LSS: variants seen among roughly 807,000 people sequenced by gnomAD.
LSS encodes the protein 2,3-epoxysqualene-lanosterol cyclase.
LSS carries 90 observed loss-of-function variants against 110.3 expected under a neutral mutation model. The ratio of observed to expected loss-of-function variants is 0.82; its 90% CI spans 0.69 to 0.97. LSS has a LOEUF of 0.97. Ranked by LOEUF, LSS falls within the 50% of genes least tolerant of loss-of-function variation. The pLI, the probability that LSS is intolerant of heterozygous loss-of-function variation, is 0.00. For synonymous variants in LSS, 433 were observed against 400.0 expected, an observed-to-expected ratio of 1.08 and a Z score of -0.98; for missense variants, 927 against 990.0, an observed-to-expected ratio of 0.94 and a Z score of 0.85.
chr21:46,222,595 C>T lies in LSS; in HGVS notation c.428+35G>A, dbSNP rs780439215. The stretch of plus-strand genomic sequence containing the variant: ...CCTACATCATGAGAACACACACATG[C>T]ACATGTGCAGTGACACAGGGGCAGG... On this transcript the variant is annotated intron_variant, in intron 4 of 21. Coordinates refer to ENST00000397728, the MANE Select transcript of LSS (RefSeq NM_002340.6). 1.9e-6 allele frequency: 3 copies of T among 1,568,860 alleles called. No individual in the cohort carries two copies. In the South Asian group the frequency reaches 3.3e-5, roughly 17 times the overall value.
At chr21:46,227,479 G>A in intron 3 of LSS, 73 bp downstream of exon 3, 2 of 1,567,434 alleles carry the variant, frequency 1.3e-6, no homozygotes, top group Non-Finnish European at 1.7e-6. Context: ...CAAAACCCTA[G>A]ACCAGGCTGG....
At position 46,205,940 on chromosome 21, in the gene LSS, C is replaced by G; in HGVS notation, c.1566G>C (p.Gly522=). 1 of 1,603,042 alleles carries G rather than the reference C, an allele frequency of 6.2e-7. No individual in the cohort carries two copies. The highest frequency in any genetic ancestry group is 8.5e-7 in the Non-Finnish European group (1 of 1,173,762). The change falls in exon 17 of 22, where the codon GGG becomes GGC. Residue 522 remains glycine, a splice_region_variant and synonymous_variant. Transcript: ENST00000397728. ...CATAGGTGTAGTCAATCATGATGTC[C>G]CCTGGGAAAGGGAGGGAAGAACCAA... ...LELLNPSEVF[G]DIMIDYTYVE... is the part of the protein sequence containing the mutation.
In LSS at chr21:46,207,450, C is replaced by G; in HGVS notation, c.1445G>C (p.Arg482Pro). The G allele has an allele frequency of 6.2e-7, 1 of 1,612,578 alleles. No homozygotes were observed. Among genetic ancestry groups the G allele is most frequent in the South Asian group, 1.1e-5 (1 of 90,650 alleles). The change falls in exon 15 of 22, where the codon CGG (arginine) becomes CCG (proline). Residue 482 changes from arginine (R) to proline (P), a missense_variant. Transcript: ENST00000397728. ...TACCACAGCCACAGCATCGCAGAGC[C>G]GTTCTCTGGGGATGTGCTCGGTGAC... ...PHVTEHIPRERLCDAVAVLLN... is the reference protein window; with the variant it reads ...PHVTEHIPREPLCDAVAVLLN...
At chr21:46,207,334 T>C (rs2080064160) in intron 15 of LSS, 94 bp downstream of exon 15, 1 of 1,472,100 alleles carries the variant, frequency 6.8e-7, no homozygotes, top group African/African-American at 1.4e-5. Flanking sequence ...GGCCGGACTG[T>C]GTGCTGGGCT....
chr21:46,205,824 G>A lies in LSS; in HGVS notation c.1670+12C>T, dbSNP rs1489622012. The A allele has an allele frequency of 3.1e-6, 5 of 1,589,340 alleles. No homozygotes were observed. In the Admixed American group the frequency reaches 7.1e-5, roughly 23 times the overall value. ...GGCAGCGCCCACACTGAATGGCTGA[G>A]ACCCTCCTTACCGGATCTCCGCTGC... On this transcript the variant is annotated intron_variant, in intron 17 of 21. Transcript: ENST00000397728.
chr21:46,223,732 A>C (rs2123761929), intron 3 of LSS, among the ~76,000 whole-genome samples: 1 of 152,324 alleles, frequency 6.6e-6, no homozygotes, highest in South Asian at 2.1e-4. Flanking sequence ...ATAGGAGCTG[A>C]GGGGACATAG....
At chr21:46,213,940 TG>T in intron 9 of LSS, 105 bp from the exon 10 acceptor site, 1 of 780,244 alleles carries the variant, frequency 1.3e-6, no homozygotes, top group Non-Finnish European at 2.2e-6. Context: ...TAAAGTGCCG[TG>T]CAGATCACTC....
At chr21:46,206,984 G>C (rs752057702) in intron 15 of LSS, among the ~76,000 whole-genome samples, 5 of 152,120 alleles carry the variant, frequency 3.3e-5, no homozygotes, top group Non-Finnish European at 5.9e-5. Flanking sequence ...CAGCCACCAG[G>C]GAACATGCCC....
At chr21:46,193,811 G>A (rs1224415635) in intron 20 of LSS, 6 of 384,718 alleles carry the variant, frequency 1.6e-5, no homozygotes, top group Non-Finnish European at 3.2e-5. Flanking sequence ...TCCTGTGGGT[G>A]CATCTGTACG....
At chr21:46,219,034 G>C (rs568385444) in intron 6 of LSS, among the ~76,000 whole-genome samples, 5 of 152,164 alleles carry the variant, frequency 3.3e-5, no homozygotes, top group Non-Finnish European at 4.4e-5. Flanking sequence ...CACAGACACT[G>C]ATCTTTTAAA....
chr21:46,222,692 T>C lies in LSS; in HGVS notation c.366A>G (p.Gly122=). The C allele has an allele frequency of 2.5e-6, 4 of 1,613,960 alleles. No individual in the cohort carries two copies. Among genetic ancestry groups the C allele is most frequent in the Non-Finnish European group, 3.4e-6 (4 of 1,180,024 alleles). The change falls in exon 4 of 22, where the codon GGA becomes GGG. Residue 122 remains glycine, a synonymous_variant. Coordinates refer to ENST00000397728, the MANE Select transcript of LSS (RefSeq NM_002340.6). ...CHVARIPLPA[G]YREEIVRYLR... ...GGTACCGCACAATCTCTTCTCTGTA[T>C]CCGGCTGGCAGAGGGATGCGTGCCA... is the stretch of plus-strand genomic sequence containing the variant.
chr21:46,196,286 C>G lies in LSS; in HGVS notation c.1671-19G>C. 6.2e-7 allele frequency: 1 copy of G among 1,610,508 alleles called. No individual in the cohort carries two copies. ...GGTCTCCCTGGAACACGAGATTGGT[C>G]CAGTGAACATTCTGGTAAAACAGCA... On this transcript the variant is annotated intron_variant, in intron 17 of 21. Transcript: ENST00000397728.
chr21:46,207,774 C>T (rs1207171278), intron 14 of LSS, among the ~76,000 whole-genome samples, 197 bp from the exon 15 acceptor site: 1 of 151,950 alleles, frequency 6.6e-6, no homozygotes, highest in Non-Finnish European at 1.5e-5. Context: ...CACAGGGACC[C>T]TCAGGGGTGC....
At chr21:46,219,728 G>T (rs775891231) in intron 5 of LSS, among the ~76,000 whole-genome samples, 156 bp from the exon 6 acceptor site, 9 of 152,188 alleles carry the variant, frequency 5.9e-5, no homozygotes, top group Admixed American at 6.5e-5. Flanking sequence ...CATGTGCGAA[G>T]CAGGTTCCAG....
chr21:46,221,044 T>G (rs1601447249), intron 5 of LSS, among the ~76,000 whole-genome samples: 2 of 126,538 alleles, frequency 1.6e-5, no homozygotes, highest in Non-Finnish European at 3.2e-5. Flanking sequence ...CTTGGAGAGG[T>G]AGCCAGACCA....
chr21:46,202,397 A>T (rs2079990957), intron 17 of LSS, among the ~76,000 whole-genome samples: 1 of 148,252 alleles, frequency 6.7e-6, no homozygotes, highest in Non-Finnish European at 1.5e-5. Context: ...CCGTCTCAAA[A>T]AAAAAAAAAA....
intron 5 of LSS, among the ~76,000 whole-genome samples, chr21:46,221,381 G>C (rs1489496624): frequency 6.6e-6 from 1 of 152,056 alleles, no homozygotes. Context: ...ATTAGAGACA[G>C]GGTCGCACTC....
At position 46,188,870 on chromosome 21, in the gene LSS, T is replaced by A. The variant is rs771213527; in HGVS notation, c.*2234A>T. ...AAAGAAAGTTCCTCCTATGTGGACATTGTATCACGTTTATTTATCTTCCTG... is the reference window on the plus strand; with the variant it reads ...AAAGAAAGTTCCTCCTATGTGGACAATGTATCACGTTTATTTATCTTCCTG... On this transcript the variant is annotated 3_prime_UTR_variant, in exon 22 of 22. Transcript: ENST00000397728. The A allele has an allele frequency of 2.3e-6, 1 of 439,006 alleles. No homozygotes were observed. The allele number at this position is 439,006 out of a possible 1,614,324, so 27.2% of individuals were successfully genotyped here. A position where few individuals can be genotyped will look rare whatever the true frequency, so the allele number is the denominator to read the frequency against.
At chr21:46,224,456 G>C (rs2080313474) in intron 3 of LSS, among the ~76,000 whole-genome samples, 1 of 152,118 alleles carries the variant, frequency 6.6e-6, no homozygotes, top group Non-Finnish European at 1.5e-5. Context: ...GCCGCACACA[G>C]GGAGAGACCC....
Sources: gnomAD v4.1 joint callset for allele counts (sites outside exome capture counted in the v4.1 genomes callset) on GRCh38, gnomAD v4.1.1 for gene constraint, MANE v1.5 for transcripts, NCBI Gene and HGNC (gene_info 2026-07-23, HGNC 2026-07-21) for gene names.